Variants in GPHN observed in about 807,000 individuals in gnomAD.
GPHN encodes the protein gephyrin.
GPHN carries 17 observed loss-of-function variants against 95.5 expected under a neutral mutation model. The observed-to-expected ratio is 0.18, with a 90% CI of 0.12 to 0.27. The LOEUF (loss-of-function observed/expected upper bound fraction) is 0.27. GPHN is among the 10% of genes least tolerant of loss of function. The pLI, the probability that GPHN is intolerant of heterozygous loss-of-function variation, is 1.00. For synonymous variants in GPHN, 320 were observed against 322.5 expected (o/e 0.99, Z 0.08); for missense variants, 660 against 978.1 (o/e 0.67, Z 4.34).
the GPHN span, among the ~76,000 whole-genome samples, chr14:67,375,406 G>A: frequency 6.6e-6 from 1 of 152,096 alleles, no homozygotes; most frequent in Non-Finnish European, 1.5e-5. Flanking sequence ...ACAGGCGTAA[G>A]CCAGTGTGCC....
At chr14:67,261,236 C>T in the GPHN span, among the ~76,000 whole-genome samples, 1 of 152,010 alleles carries the variant, frequency 6.6e-6, no homozygotes, top group African/African-American at 2.4e-5. Context: ...GTTAATCTGG[C>T]AATACTGTGT....
chr14:67,675,476 A>C, the GPHN span, among the ~76,000 whole-genome samples: 1 of 152,108 alleles, frequency 6.6e-6, no homozygotes, highest in Non-Finnish European at 1.5e-5. Context: ...GTCTCCAAAA[A>C]AACAAAAAAC....
intron 2 of GPHN, among the ~76,000 whole-genome samples, chr14:66,740,843 G>C (rs2072739768): frequency 6.6e-6 from 1 of 152,142 alleles, no homozygotes; most frequent in South Asian, 2.1e-4. Context: ...AATTTAGTAA[G>C]TGTCTTAGTT....
the GPHN span, chr14:67,706,077 C>T: frequency 3.9e-5 from 6 of 152,154 alleles, no homozygotes; most frequent in East Asian, 1.2e-3. Context: ...ACATTAAGTT[C>T]AGCATCAATA....
the GPHN span, among the ~76,000 whole-genome samples, chr14:67,468,878 G>C: frequency 6.7e-6 from 1 of 150,206 alleles, no homozygotes; most frequent in Admixed American, 6.6e-5. Flanking sequence ...CTGGGTAATA[G>C]AGTGAGATTC....
intron 5 of GPHN, among the ~76,000 whole-genome samples, chr14:66,889,769 G>T (rs1456024108): frequency 6.6e-6 from 1 of 151,362 alleles, no homozygotes; most frequent in Non-Finnish European, 1.5e-5. Context: ...ATAAAAATTA[G>T]AGCAGAGATA....
chr14:66,757,537 G>T (rs893066140), intron 2 of GPHN, among the ~76,000 whole-genome samples: 2 of 152,048 alleles, frequency 1.3e-5, no homozygotes, highest in Non-Finnish European at 1.5e-5. Flanking sequence ...TAACAAGCGC[G>T]TACCACCCTG....
At chr14:67,182,318 TA>T (rs1336690017), downstream of GPHN, among the ~76,000 whole-genome samples, 1 of 152,210 alleles carries the variant, frequency 6.6e-6, no homozygotes, top group Non-Finnish European at 1.5e-5. Flanking sequence ...GATCCTTTAA[TA>T]AAAACTTAGG....
intron 1 of GPHN, among the ~76,000 whole-genome samples, chr14:66,621,405 G>T (rs2063295262): frequency 6.8e-6 from 1 of 147,418 alleles, no homozygotes; most frequent in Non-Finnish European, 1.5e-5. Context: ...GTGAGCCACA[G>T]TGCCTGGCCA....
At chr14:67,099,639 G>T (rs1029884437) in intron 12 of GPHN, among the ~76,000 whole-genome samples, 4 of 151,764 alleles carry the variant, frequency 2.6e-5, no homozygotes, top group Non-Finnish European at 4.4e-5. Flanking sequence ...AAGGGACCCA[G>T]TGTTAATTTT....
At chr14:67,710,977 T>A in the GPHN span, among the ~76,000 whole-genome samples, 6 of 152,150 alleles carry the variant, frequency 3.9e-5, no homozygotes, top group Non-Finnish European at 1.5e-5. Flanking sequence ...ACTGAGACAG[T>A]GAAAAAGATT....
chr14:66,771,530 C>T lies in GPHN; in HGVS notation c.144-4934C>T, dbSNP rs111871024. ...GAATATAGCCAGAAAGAGATCAAGGCATATGTGGATGCTGGACTTACGGCC... is the reference window on the plus strand; with the variant it reads ...GAATATAGCCAGAAAGAGATCAAGGTATATGTGGATGCTGGACTTACGGCC... On this transcript the variant is annotated intron_variant, in intron 2 of 22. Coordinates refer to ENST00000478722, the MANE Select transcript of GPHN (RefSeq NM_020806.5). Among the ~76,000 whole-genome samples the T allele has an allele frequency of 3.1e-3, 470 of 152,256 alleles. 11 individuals carry two copies. The highest frequency in any genetic ancestry group is 0.011 in the African/African-American group (445 of 41,546).
At chr14:66,744,621 A>G (rs1475409377) in intron 2 of GPHN, among the ~76,000 whole-genome samples, 7 of 152,220 alleles carry the variant, frequency 4.6e-5, no homozygotes, top group African/African-American at 1.2e-4. Context: ...ATGTTAGACA[A>G]ATAGTGAATA....
At chr14:67,133,741 G>A (rs2079867429) in intron 17 of GPHN, among the ~76,000 whole-genome samples, 1 of 152,156 alleles carries the variant, frequency 6.6e-6, no homozygotes, top group Non-Finnish European at 1.5e-5. Flanking sequence ...TTCTCTGACA[G>A]ATTTATTTTG....
intron 10 of GPHN, among the ~76,000 whole-genome samples, chr14:67,026,257 T>C (rs2073916673): frequency 6.6e-6 from 1 of 152,226 alleles, no homozygotes; most frequent in Non-Finnish European, 1.5e-5. Flanking sequence ...TAAGATGGTC[T>C]GCCTTATAGA....
the GPHN span, among the ~76,000 whole-genome samples, chr14:67,424,779 T>C: frequency 6.6e-6 from 1 of 152,000 alleles, no homozygotes; most frequent in East Asian, 1.9e-4. Flanking sequence ...AGGATTGGGC[T>C]GCCCCCAGAG....
chr14:67,392,296 ATC>A, the GPHN span: 2 of 1,385,522 alleles, frequency 1.4e-6, no homozygotes, highest in African/African-American at 1.4e-5. Context: ...AGAACTGTCC[ATC>A]TCTCTTCCCT....
At chr14:66,723,065 G>A (rs955962197) in intron 2 of GPHN, among the ~76,000 whole-genome samples, 28 of 151,550 alleles carry the variant, frequency 1.8e-4, no homozygotes, top group African/African-American at 6.3e-4. Flanking sequence ...AGATTTTTTT[G>A]TGTGTGTGAC....
At chr14:66,980,719 A>C (rs2070600928) in intron 9 of GPHN, among the ~76,000 whole-genome samples, 3 of 152,166 alleles carry the variant, frequency 2.0e-5, no homozygotes, top group African/African-American at 7.2e-5. Context: ...AATAAATGCA[A>C]ATGTTAATAT....
Sources: gnomAD v4.1 joint callset for allele counts (sites outside exome capture counted in the v4.1 genomes callset) on GRCh38, gnomAD v4.1.1 for gene constraint, MANE v1.5 for transcripts, NCBI Gene and HGNC (gene_info 2026-07-23, HGNC 2026-07-21) for gene names.